ULK4: variants seen among roughly 807,000 people sequenced by gnomAD.
ULK4 encodes unc-51 like kinase 4.
A neutral mutation model predicts 160.6 loss-of-function variants in ULK4; 133 were observed. The ratio of observed to expected loss-of-function variants is 0.83; its 90% CI spans 0.72 to 0.96. The LOEUF (loss-of-function observed/expected upper bound fraction) is 0.96. Among genes scored for constraint, ULK4 ranks in the 40% least tolerant of loss-of-function variants. The probability of loss-of-function intolerance (pLI) is 0.00; values close to 1 mark genes in which losing one functional copy is unlikely to be tolerated. For synonymous variants in ULK4, 534 were observed against 539.8 expected, an observed-to-expected ratio of 0.99 and a Z score of 0.15; for missense variants, 1,580 against 1,499.5, an observed-to-expected ratio of 1.05 and a Z score of -0.89.
At chr3:41,494,728 A>G (rs1465951550) in intron 32 of ULK4, among the ~76,000 whole-genome samples, 2 of 152,136 alleles carry the variant, frequency 1.3e-5, no homozygotes, top group South Asian at 4.1e-4. Context: ...CAACTTCAGC[A>G]AAGTCTCAGG....
At chr3:41,841,145 C>T (rs1160976776) in intron 17 of ULK4, among the ~76,000 whole-genome samples, 2 of 114,266 alleles carry the variant, frequency 1.8e-5, no homozygotes, top group Non-Finnish European at 1.7e-5. Flanking sequence ...GGCCGCCACC[C>T]CGTCTGGGAT....
At chr3:41,900,144 A>G (rs1288625448) in intron 13 of ULK4, among the ~76,000 whole-genome samples, 1 of 152,186 alleles carries the variant, frequency 6.6e-6, no homozygotes, top group Non-Finnish European at 1.5e-5. Flanking sequence ...AAAGTATTAT[A>G]TTCCAAAAGA....
chr3:41,470,042 A>AAC (rs2083944620), intron 32 of ULK4, among the ~76,000 whole-genome samples: 2 of 140,332 alleles, frequency 1.4e-5, no homozygotes, highest in African/African-American at 2.7e-5. Context: ...AAAAAAAAAA[A>AAC]AAAACAAAGT....
chr3:41,588,784 T>G (rs1196367966), intron 31 of ULK4, among the ~76,000 whole-genome samples: 1 of 152,228 alleles, frequency 6.6e-6, no homozygotes, highest in Non-Finnish European at 1.5e-5. Flanking sequence ...TCCAGTCATT[T>G]AAATAAATTT....
chr3:41,316,971 T>C (rs1238888513), intron 35 of ULK4, among the ~76,000 whole-genome samples: 1 of 152,112 alleles, frequency 6.6e-6, no homozygotes, highest in Non-Finnish European at 1.5e-5. Flanking sequence ...AATTTTAATT[T>C]AATATTACAT....
At chr3:41,284,392 T>C (rs1021326857) in intron 35 of ULK4, among the ~76,000 whole-genome samples, 3 of 151,946 alleles carry the variant, frequency 2.0e-5, no homozygotes, top group Non-Finnish European at 2.9e-5. Context: ...GGCATAAAAA[T>C]AGACACATAG....
intron 30 of ULK4, among the ~76,000 whole-genome samples, chr3:41,644,624 T>G (rs1290615294): frequency 9.3e-5 from 14 of 151,328 alleles, no homozygotes; most frequent in African/African-American, 2.9e-4. Context: ...TTTGCATCAG[T>G]GTTCATCAGG....
At chr3:41,682,692 C>T (rs2035962789) in intron 27 of ULK4, among the ~76,000 whole-genome samples, 1 of 152,204 alleles carries the variant, frequency 6.6e-6, no homozygotes, top group Non-Finnish European at 1.5e-5. Flanking sequence ...TACAAGGACC[C>T]TAAGAACCAG....
chr3:41,823,911 T>G (rs959018666), intron 18 of ULK4, among the ~76,000 whole-genome samples: 4 of 152,060 alleles, frequency 2.6e-5, no homozygotes, highest in Non-Finnish European at 5.9e-5. Flanking sequence ...GCCTATAATC[T>G]CAATACTTTG....
intron 35 of ULK4, among the ~76,000 whole-genome samples, chr3:41,384,653 C>T (rs991095940): frequency 5.3e-5 from 8 of 152,072 alleles, no homozygotes; most frequent in Admixed American, 5.2e-4. Context: ...GGCATGATCT[C>T]GGCTCACTGC....
At chr3:41,768,421 A>G (rs1222104054) in intron 21 of ULK4, among the ~76,000 whole-genome samples, 1 of 152,202 alleles carries the variant, frequency 6.6e-6, no homozygotes, top group Admixed American at 6.5e-5. Context: ...AAGTGATGCT[A>G]CATTACCTCC....
chr3:41,688,568 ATTTG>A (rs1002113945), intron 27 of ULK4, among the ~76,000 whole-genome samples: 2 of 152,208 alleles, frequency 1.3e-5, no homozygotes, highest in Non-Finnish European at 1.5e-5. Flanking sequence ...TTATAAAAGT[ATTTG>A]TTTGTGGTAC....
intron 17 of ULK4, among the ~76,000 whole-genome samples, chr3:41,848,872 T>A (rs987287112): frequency 6.6e-6 from 1 of 152,212 alleles, no homozygotes; most frequent in African/African-American, 2.4e-5. Context: ...GATAGTGCTG[T>A]CCAGTTTCCT....
At chr3:41,323,674 C>G (rs1401425614) in intron 35 of ULK4, among the ~76,000 whole-genome samples, 5 of 151,976 alleles carry the variant, frequency 3.3e-5, no homozygotes. Flanking sequence ...CCCCCGACCC[C>G]CCTCCCAGTG....
At chr3:41,444,901 G>C (rs377183741) in intron 34 of ULK4, among the ~76,000 whole-genome samples, 1 of 152,046 alleles carries the variant, frequency 6.6e-6, no homozygotes, top group Admixed American at 6.6e-5. Flanking sequence ...AGAAATAAAG[G>C]GTATTCAATT....
chr3:41,858,858 C>T (rs370816831), intron 17 of ULK4, among the ~76,000 whole-genome samples: 30 of 152,036 alleles, frequency 2.0e-4, no homozygotes, highest in East Asian at 9.7e-4. Context: ...TTCCAAAAGA[C>T]GGCAGAAATA....
intron 21 of ULK4, among the ~76,000 whole-genome samples, chr3:41,773,710 G>T (rs56205414): frequency 0.29 from 44,798 of 151,884 alleles, 9,211 homozygotes; most frequent in African/African-American, 0.59. Flanking sequence ...TCACAGAATT[G>T]GAAAAAACGA....
chr3:41,651,294 T>G (rs556844527), intron 30 of ULK4, among the ~76,000 whole-genome samples: 2 of 152,154 alleles, frequency 1.3e-5, no homozygotes, highest in Non-Finnish European at 2.9e-5. Flanking sequence ...TCCTCAATCC[T>G]ACATTTCACC....
chr3:41,900,790 G>C lies in ULK4; in HGVS notation c.1222C>G (p.Gln408Glu). 1.2e-6 allele frequency: 2 copies of C among 1,613,570 alleles called. No homozygotes were observed. Among genetic ancestry groups the C allele is most frequent in the Non-Finnish European group, 1.7e-6 (2 of 1,179,672 alleles). ...TCCGTGTAGATAAGCTCTCTCATCT[G>C]GGATTCCAGGTCCTGCTGACTCAGG... ...GHLSQQDLES[Q>E]MRELIYTDSD... The change falls in exon 13 of 37, where the codon CAG (glutamine) becomes GAG (glutamate). Residue 408 changes from glutamine to glutamate, a missense_variant. Gln to Glu is a conservative substitution (Grantham distance 29). Transcript: ENST00000301831.
Sources: allele counts gnomAD v4.1 joint callset (sites outside exome capture counted in the v4.1 genomes callset), GRCh38; gene constraint gnomAD v4.1.1; transcripts MANE v1.5; gene names NCBI Gene and HGNC (gene_info 2026-07-23, HGNC 2026-07-21).